The following ZNF841 variants were observed in gnomAD, a reference collection of about 807,000 sequenced individuals.
ZNF841 encodes TCONS_00006091.
Under a neutral mutation model 13.0 loss-of-function variants are expected in ZNF841, and 11 were observed. The ratio of observed to expected loss-of-function variants is 0.85; its 90% CI spans 0.53 to 1.40. ZNF841 has a LOEUF of 1.40. Among genes scored for constraint, ZNF841 ranks in the 40% most tolerant of loss-of-function variants. ZNF841 has a pLI of 0.00. For missense variants in ZNF841, 1,068 were observed against 1,139.5 expected, an observed-to-expected ratio of 0.94 and a Z score of 0.90; for synonymous variants, 369 against 381.6, an observed-to-expected ratio of 0.97 and a Z score of 0.38.
chr19:52,060,606 AG>A (rs1187266247), downstream of ZNF841, among the ~76,000 whole-genome samples: 2 of 150,530 alleles, frequency 1.3e-5, no homozygotes, highest in African/African-American at 2.4e-5. Flanking sequence ...TTGGTAATTG[AG>A]GGGAACTGAC....
Position 52,066,723 on chromosome 19 carries a change from A to G in ZNF841, c.1159T>C (p.Ser387Pro). The part of the protein sequence containing the change: ...RCGKCFSQSS[S>P]LATHQTVHTG... ...TGAACTGTCTGATGAGTTGCAAGAGAGGAACTTTGACTAAAGCACTTCCCA... is the reference window on the plus strand; with the variant it reads ...TGAACTGTCTGATGAGTTGCAAGAGGGGAACTTTGACTAAAGCACTTCCCA... Residue 387 changes from serine to proline, a missense_variant, in exon 7 of 7, where the codon TCT (serine) becomes CCT (proline). By Grantham distance (74) the Ser-to-Pro change is moderately conservative. Transcript: ENST00000594440. 2 of 1,611,040 alleles carry G rather than the reference A, an allele frequency of 1.2e-6. No individual in the cohort carries two copies. The highest frequency in any genetic ancestry group is 1.7e-6 in the Non-Finnish European group (2 of 1,178,304).
rs948244548 is a variant in ZNF841, at chr19:52,095,640, G to A, written c.-335C>T. ...GCGATCCCCAGGTCACGGGTATGGA[G>A]AACCGAGGACTGCGAAGTGCACGTT... On this transcript the variant is annotated 5_prime_UTR_variant, in exon 1 of 7. Coordinates refer to ENST00000594440, the MANE Select transcript of ZNF841 (RefSeq NM_001136499.2). 6 of 152,356 alleles carry A rather than the reference G, an allele frequency of 3.9e-5. No homozygotes were observed. The highest frequency in any genetic ancestry group is 2.0e-4 in the Admixed American group (3 of 15,282). 9.4% of individuals were successfully genotyped at this position (152,356 alleles called of 1,614,324 possible). A position where few individuals can be genotyped will look rare whatever the true frequency, so the allele number is the denominator to read the frequency against.
chr19:52,088,727 G>T (rs991089067), intron 3 of ZNF841, among the ~76,000 whole-genome samples: 1 of 152,154 alleles, frequency 6.6e-6, no homozygotes, highest in Admixed American at 6.5e-5. Flanking sequence ...ATCTCCATGT[G>T]AACTGTTAAT....
chr19:52,064,352 C>CAAAAAAAAAA (rs1568532352), downstream of ZNF841: 52 of 48,966 alleles, frequency 1.1e-3, 6 homozygotes, highest in South Asian at 3.4e-3. Context: ...GACTCCGTCT[C>CAAAAAAAAAA]CAAAAAAAAA....
chr19:52,062,317 A>T (rs1568531287), downstream of ZNF841, among the ~76,000 whole-genome samples: 1 of 152,194 alleles, frequency 6.6e-6, no homozygotes, highest in Non-Finnish European at 1.5e-5. Context: ...AAGAATGTAC[A>T]AATCTAGGTG....
chr19:52,083,858 T>C (rs2088183144), intron 4 of ZNF841, among the ~76,000 whole-genome samples: 1 of 150,726 alleles, frequency 6.6e-6, no homozygotes, highest in Admixed American at 6.6e-5. Flanking sequence ...ACAGCTAAAA[T>C]CTCATTTAGC....
At position 52,076,964 on chromosome 19, in the gene ZNF841, A is replaced by G. The variant is rs375159392; in HGVS notation, c.136T>C (p.Phe46Leu). The G allele has an allele frequency of 4.3e-6, 7 of 1,612,618 alleles. No homozygotes were observed. Among genetic ancestry groups the G allele is most frequent in the African/African-American group, 4.0e-5 (3 of 74,916 alleles). ...VMLENYRNLG[F>L]LGLCLPDLNI... ...GGAGGAAAACTATCCTCACCCAGGA[A>G]GCCGAGGTTCCTGTAGTTCTCCAAC... The change falls in exon 5 of 7, where the codon TTC (phenylalanine) becomes CTC (leucine). Residue 46 changes from phenylalanine (F) to leucine (L), a missense_variant. Coordinates refer to ENST00000594440, the MANE Select transcript of ZNF841 (RefSeq NM_001136499.2).
chr19:52,095,676 A>G lies in ZNF841; in HGVS notation c.-371T>C, dbSNP rs999111904. On this transcript the variant is annotated 5_prime_UTR_variant, in exon 1 of 7. Coordinates refer to ENST00000594440, the MANE Select transcript of ZNF841 (RefSeq NM_001136499.2). ...TGCGAAGTGCACGTTTAATCAAGGT[A>G]GACGAAGAGAAGCAAACGTTTAATC... 3.3e-5 allele frequency: 5 copies of G among 152,322 alleles called. No individual in the cohort carries two copies. The highest frequency in any genetic ancestry group is 5.9e-5 in the Non-Finnish European group (4 of 68,108). The allele number at this position is 152,322 out of a possible 1,614,324, so 9.4% of individuals were successfully genotyped here. A position where few individuals can be genotyped will look rare whatever the true frequency, so the allele number is the denominator to read the frequency against.
chr19:52,084,393 A>C (rs1460820655), intron 4 of ZNF841, among the ~76,000 whole-genome samples: 1 of 152,182 alleles, frequency 6.6e-6, no homozygotes, highest in East Asian at 1.9e-4. Flanking sequence ...TCAAGAATTT[A>C]TGAGGTATTT....
Position 52,065,389 on chromosome 19 carries a change from G to C in ZNF841, c.2493C>G (p.Ile831Met), listed in dbSNP as rs61743324. The change falls in exon 7 of 7, where the codon ATC becomes ATG. Residue 831 changes from isoleucine to methionine, a missense_variant. Coordinates refer to ENST00000594440, the MANE Select transcript of ZNF841 (RefSeq NM_001136499.2). Reference protein sequence around the residue: ...YKCNECGKAFIERSNLVYHQR... With the variant: ...YKCNECGKAFMERSNLVYHQR... The stretch of plus-strand genomic sequence containing the variant: ...GATGGTAAACCAAGTTTGACCTTTC[G>C]ATAAAAGCTTTACCACATTCATTAC... 7 of 1,608,524 alleles carry C rather than the reference G, an allele frequency of 4.4e-6. No individual in the cohort carries two copies. The highest frequency in any genetic ancestry group is 1.3e-5 in the African/African-American group (1 of 74,670).
At chr19:52,080,425 GCCCCTGCCATGCACTGGGGTAACAGAAA>G (rs1377254628) in intron 4 of ZNF841, among the ~76,000 whole-genome samples, 10 of 152,160 alleles carry the variant, frequency 6.6e-5, no homozygotes, top group Non-Finnish European at 1.3e-4. Context: ...CAGAGATCCA[GCCCCTGCCATGCACTGGGGTAACAGAAA>G]AGAAACCCAC....
chr19:52,078,205 T>C (rs571468937), intron 4 of ZNF841, among the ~76,000 whole-genome samples: 1 of 151,906 alleles, frequency 6.6e-6, no homozygotes, highest in Non-Finnish European at 1.5e-5. Context: ...CAGAATTACT[T>C]GAACCTGGGA....
intron 6 of ZNF841, among the ~76,000 whole-genome samples, chr19:52,074,294 A>G (rs368127602): frequency 4.4e-4 from 67 of 152,392 alleles, no homozygotes; most frequent in African/African-American, 1.5e-3. Flanking sequence ...AACAAAGTTC[A>G]TTTATAATAC....
In ZNF841 at chr19:52,064,947, C is replaced by CA. The variant is rs1175804943; in HGVS notation, c.*159dup. ...GACCTCATGAGAACTATCACAAGGACAGCAACAAGGGGATGGTACTAAAAC... is the reference window on the plus strand; with the variant it reads ...GACCTCATGAGAACTATCACAAGGACAAGCAACAAGGGGATGGTACTAAAAC... On this transcript the variant is annotated 3_prime_UTR_variant, in exon 7 of 7. Coordinates refer to ENST00000594440, the MANE Select transcript of ZNF841 (RefSeq NM_001136499.2). 5.3e-6 allele frequency: 3 copies of CA among 564,848 alleles called. No homozygotes were observed. In the East Asian group the frequency reaches 9.2e-5, roughly 17 times the overall value. 35.0% of individuals were successfully genotyped at this position (564,848 alleles called of 1,614,324 possible). A position where few individuals can be genotyped will look rare whatever the true frequency, so the allele number is the denominator to read the frequency against.
chr19:52,084,844 C>A lies in ZNF841; in HGVS notation c.-43G>T. ...TCTTCTTTCTCTCCTGGGCCTCTCT[C>A]TCAGTCAATATAATTAATTCTTTAA... is the stretch of plus-strand genomic sequence containing the variant. On this transcript the variant is annotated 5_prime_UTR_variant, in exon 4 of 7. Coordinates refer to ENST00000594440, the MANE Select transcript of ZNF841 (RefSeq NM_001136499.2). The A allele has an allele frequency of 6.3e-7, 1 of 1,593,434 alleles. No homozygotes were observed.
Position 52,077,000 on chromosome 19 carries a change from T to C in ZNF841, c.100A>G (p.Arg34Gly). ...CTGTAGTTCTCCAACATCACGTCCC[T>C]GTACAAAGCTTTCTGAACAGGGTCC... The part of the protein sequence containing the change: ...CLDPVQKALY[R>G]DVMLENYRNL... The change falls in exon 5 of 7, where the codon AGG becomes GGG. Residue 34 changes from arginine (R) to glycine (G), a missense_variant. Arg to Gly is a moderately radical substitution (Grantham distance 125, BLOSUM62 -2). Transcript: ENST00000594440. 6.2e-7 allele frequency: 1 copy of C among 1,613,418 alleles called. No homozygotes were observed. Among genetic ancestry groups the C allele is most frequent in the Non-Finnish European group, 8.5e-7 (1 of 1,179,566 alleles).
rs1371114477 is a variant in ZNF841, at chr19:52,067,693, CATA to C, written c.272-86_272-84del. 3 of 994,992 alleles carry C rather than the reference CATA, an allele frequency of 3.0e-6. No individual in the cohort carries two copies. The African/African-American group carries it at 5.1e-5, about 17-fold the overall frequency. The allele number at this position is 994,992 out of a possible 1,614,324, so 61.6% of individuals were successfully genotyped here. A position where few individuals can be genotyped will look rare whatever the true frequency, so the allele number is the denominator to read the frequency against. On this transcript the variant is annotated intron_variant, in intron 6 of 6. Transcript: ENST00000594440. ...TATACTGAAAACACACTACGCTAAA[CATA>C]ATGTTTATACTAGCAAGTTGTGAAA...
downstream of ZNF841, among the ~76,000 whole-genome samples, chr19:52,060,667 GC>G (rs1338076798): frequency 6.6e-6 from 1 of 152,162 alleles, no homozygotes; most frequent in Non-Finnish European, 1.5e-5. Flanking sequence ...AACAGGGATG[GC>G]TGCCCTGCCC....
chr19:52,088,424 GA>G (rs2088362637), intron 3 of ZNF841, among the ~76,000 whole-genome samples: 1 of 152,172 alleles, frequency 6.6e-6, no homozygotes, highest in South Asian at 2.1e-4. Flanking sequence ...AGGTATGCCA[GA>G]AATGCATAAA....
Sources: gnomAD v4.1 joint callset for allele counts (sites outside exome capture counted in the v4.1 genomes callset) on GRCh38, gnomAD v4.1.1 for gene constraint, MANE v1.5 for transcripts, NCBI Gene and HGNC (gene_info 2026-07-23, HGNC 2026-07-21) for gene names.